The following PKNOX2 variants were observed in gnomAD, a reference collection of about 807,000 sequenced individuals.
PKNOX2 encodes homeobox protein PKNOX2.
PKNOX2 carries 14 observed loss-of-function variants against 53.1 expected under a neutral mutation model. The observed-to-expected ratio is 0.26, with a 90% CI of 0.17 to 0.41. The LOEUF is 0.41. PKNOX2 is among the 10% of genes least tolerant of loss of function. The probability of loss-of-function intolerance (pLI) is 1.00; values close to 1 mark genes in which losing one functional copy is unlikely to be tolerated. For synonymous variants in PKNOX2, 257 were observed against 242.8 expected (o/e 1.06, Z -0.54); for missense variants, 496 against 602.8 (o/e 0.82, Z 1.85).
chr11:125,306,041 G>A (rs1948429520), intron 2 of PKNOX2, among the ~76,000 whole-genome samples: 1 of 151,626 alleles, frequency 6.6e-6, no homozygotes, highest in Non-Finnish European at 1.5e-5. Flanking sequence ...ATCTCCTTAA[G>A]CCATTAGCCA....
intron 5 of PKNOX2, among the ~76,000 whole-genome samples, chr11:125,371,651 G>A (rs551970808): frequency 2.6e-5 from 4 of 152,136 alleles, no homozygotes; most frequent in East Asian, 1.9e-4. Flanking sequence ...AGGTGCGGGT[G>A]GGGGAGGAGG....
rs552777581 is a variant in PKNOX2, at chr11:125,244,394, G to A, written c.-130+9279G>A. 3.3e-5 allele frequency among the ~76,000 whole-genome samples: 5 copies of A among 152,256 alleles called. No individual in the cohort carries two copies. The East Asian group carries it at 5.8e-4, about 18-fold the overall frequency. ...CAGTTCTCCACCTGGGGATGCAGAC[G>A]CTGCCTCCCCTTATCCCCAACCCTT... On this transcript the variant is annotated intron_variant, in intron 2 of 12. Coordinates refer to ENST00000298282, the MANE Select transcript of PKNOX2 (RefSeq NM_001382323.2).
rs1491180169 is a variant in PKNOX2, at chr11:125,178,605, G to GAAAGAAA, written c.-201+13829_-201+13830insAAAGAAA. Among the ~76,000 whole-genome samples the GAAAGAAA allele has an allele frequency of 5.2e-3, 169 of 32,590 alleles. 3 individuals carry two copies. The highest frequency in any genetic ancestry group is 0.014 in the East Asian group (13 of 960). The allele number at this position is 32,590 out of a possible 152,430, so 21.4% of individuals were successfully genotyped here. Reference sequence around the variant, plus strand: ...AGGAAGGAAGGAAGGAAGGAAGGAAGGAAGGAAAGAAAGAAAGAAAGAAAG... The same window carrying GAAAGAAA: ...AGGAAGGAAGGAAGGAAGGAAGGAAGAAAGAAAGAAGGAAAGAAAGAAAGAAAGAAAG... On this transcript the variant is annotated intron_variant, in intron 1 of 12. Transcript: ENST00000298282.
rs1239109488 is a variant in PKNOX2, at chr11:125,432,089, T to G, written c.*697T>G. 6.6e-6 allele frequency: 1 copy of G among 152,446 alleles called. No individual in the cohort carries two copies. The highest frequency in any genetic ancestry group is 1.5e-5 in the Non-Finnish European group (1 of 68,242). The allele number at this position is 152,446 out of a possible 1,614,324, so 9.4% of individuals were successfully genotyped here. A position where few individuals can be genotyped will look rare whatever the true frequency, so the allele number is the denominator to read the frequency against. On this transcript the variant is annotated 3_prime_UTR_variant, in exon 13 of 13. Transcript: ENST00000298282. ...CTCCTGGAAACCAACTGTAAGCTGG[T>G]GGGCTCAACCTGTGGGAGGTTAAGA...
chr11:125,261,576 G>T (rs1481881456), intron 2 of PKNOX2, among the ~76,000 whole-genome samples: 1 of 152,198 alleles, frequency 6.6e-6, no homozygotes, highest in Non-Finnish European at 1.5e-5. Flanking sequence ...ACTCCCAGTG[G>T]TAGGCTCAGG....
At chr11:125,224,269 G>A (rs1941486769) in intron 1 of PKNOX2, among the ~76,000 whole-genome samples, 1 of 152,260 alleles carries the variant, frequency 6.6e-6, no homozygotes, top group African/African-American at 2.4e-5. Flanking sequence ...CAAGCTCTGT[G>A]GCTGGCAGGT....
intron 2 of PKNOX2, among the ~76,000 whole-genome samples, chr11:125,268,307 A>C (rs1945517267): frequency 6.6e-6 from 1 of 152,196 alleles, no homozygotes; most frequent in South Asian, 2.1e-4. Flanking sequence ...TAGAAGCTGC[A>C]TTGTAACAGT....
In PKNOX2 at chr11:125,165,779, A is replaced by G. The variant is rs1404898210; in HGVS notation, c.-201+1003A>G. Among the ~76,000 whole-genome samples the G allele has an allele frequency of 6.6e-6, 1 of 152,160 alleles. No individual in the cohort carries two copies. The highest frequency in any genetic ancestry group is 2.4e-5 in the African/African-American group (1 of 41,434). ...CGGGAGCCCTTCTGGCTCGAGAACTAGGGGATGAGTTCGTAAAAGAGGGAA... is the reference window on the plus strand; with the variant it reads ...CGGGAGCCCTTCTGGCTCGAGAACTGGGGGATGAGTTCGTAAAAGAGGGAA... On this transcript the variant is annotated intron_variant, in intron 1 of 12. Coordinates refer to ENST00000298282, the MANE Select transcript of PKNOX2 (RefSeq NM_001382323.2). The surrounding 1 kb of genome is among the most constrained non-coding windows in gnomAD (Gnocchi z 4.5).
intron 5 of PKNOX2, among the ~76,000 whole-genome samples, chr11:125,377,385 G>A (rs1484129850): frequency 6.6e-6 from 1 of 152,192 alleles, no homozygotes; most frequent in Non-Finnish European, 1.5e-5. Context: ...AGACCCATGA[G>A]GGGAGCCTGC....
intron 2 of PKNOX2, among the ~76,000 whole-genome samples, chr11:125,273,627 C>T (rs1945964088): frequency 6.6e-6 from 1 of 152,132 alleles, no homozygotes; most frequent in African/African-American, 2.4e-5. Flanking sequence ...GGTCTGGGCA[C>T]TTTGCCTTCC....
intron 7 of PKNOX2, among the ~76,000 whole-genome samples, chr11:125,409,705 G>A (rs1257585280): frequency 2.0e-5 from 3 of 152,204 alleles, no homozygotes; most frequent in Non-Finnish European, 4.4e-5. Context: ...GCTGAAGGAT[G>A]AGCAGGTGCC....
chr11:125,363,634 G>A (rs1952036449), intron 4 of PKNOX2, among the ~76,000 whole-genome samples: 1 of 152,200 alleles, frequency 6.6e-6, no homozygotes, highest in Non-Finnish European at 1.5e-5. Context: ...GGCTGCCAAG[G>A]CAGGGTCTCC....
intron 10 of PKNOX2, among the ~76,000 whole-genome samples, chr11:125,412,252 C>G (rs1955606374): frequency 6.6e-6 from 1 of 152,174 alleles, no homozygotes; most frequent in Non-Finnish European, 1.5e-5. Context: ...TCACCGTGCC[C>G]CTCTCCCATG....
chr11:125,427,212 G>A (rs1956475512), intron 10 of PKNOX2, among the ~76,000 whole-genome samples: 1 of 152,192 alleles, frequency 6.6e-6, no homozygotes, highest in Non-Finnish European at 1.5e-5. Context: ...GGGGCCATCT[G>A]CACCCTCTCC....
intron 10 of PKNOX2, among the ~76,000 whole-genome samples, chr11:125,414,125 T>C (rs893164350): frequency 2.6e-5 from 4 of 152,140 alleles, no homozygotes; most frequent in African/African-American, 9.7e-5. Flanking sequence ...CTCAGGGTCC[T>C]GTCTTTCCAC....
chr11:125,357,493 A>G (rs1422856447), intron 4 of PKNOX2, among the ~76,000 whole-genome samples: 3 of 152,172 alleles, frequency 2.0e-5, no homozygotes, highest in Non-Finnish European at 2.9e-5. Context: ...CTTGTCCCCA[A>G]GCAGAACGAA....
chr11:125,239,197 C>T (rs1942968402), intron 2 of PKNOX2, among the ~76,000 whole-genome samples: 1 of 152,208 alleles, frequency 6.6e-6, no homozygotes, highest in Non-Finnish European at 1.5e-5. Flanking sequence ...CACTCATAAA[C>T]TATTGATATT....
At chr11:125,175,669 G>A (rs1955661089) in intron 1 of PKNOX2, among the ~76,000 whole-genome samples, 1 of 152,230 alleles carries the variant, frequency 6.6e-6, no homozygotes, top group Non-Finnish European at 1.5e-5. Context: ...CCAGCTATGA[G>A]TGAGGCAGGC....
intron 5 of PKNOX2, among the ~76,000 whole-genome samples, chr11:125,379,054 TC>T (rs1235869638): frequency 1.5e-4 from 11 of 74,218 alleles, no homozygotes; most frequent in African/African-American, 7.2e-4. Context: ...TTTTTCTTTC[TC>T]TTTTTTTTTT....
Sources: gnomAD v4.1 joint callset for allele counts (sites outside exome capture counted in the v4.1 genomes callset) on GRCh38, gnomAD v4.1.1 for gene constraint, Gnocchi (gnomAD v3.1) non-coding constraint, MANE v1.5 for transcripts, NCBI Gene and HGNC (gene_info 2026-07-23, HGNC 2026-07-21) for gene names.